FARP1: variants seen among roughly 807,000 people sequenced by gnomAD.
FARP1 encodes FERM, ARHGEF and pleckstrin domain-containing protein 1.
In FARP1, 52 loss-of-function variants were observed where a neutral mutation model predicts 128.8. The observed-to-expected ratio is 0.40, with a 90% CI of 0.32 to 0.51. The LOEUF is 0.51. Ranked by LOEUF, FARP1 falls within the 20% of genes least tolerant of loss-of-function variation. The pLI is 0.45. For missense variants in FARP1, 1,333 were observed against 1,367.9 expected (o/e 0.97, Z 0.40); for synonymous variants, 580 against 551.8 (o/e 1.05, Z -0.72).
chr13:98,176,311 G>T lies in FARP1; in HGVS notation c.-24+32819G>T. 2 of 1,612,874 alleles carry T rather than the reference G, an allele frequency of 1.2e-6. No homozygotes were observed. Among genetic ancestry groups the T allele is most frequent in the Non-Finnish European group, 1.7e-6 (2 of 1,178,998 alleles). On this transcript the variant is annotated intron_variant, in intron 1 of 26. Coordinates refer to ENST00000319562, the MANE Select transcript of FARP1 (RefSeq NM_005766.4). This position sits in a 1 kb window ranked among gnomAD's most constrained non-coding sequence, Gnocchi z 6.2. ...TGCAGCCTGAAGCTTTTGCAGTTTCGCCATCAGTTCTTTGGCGGGGTTAAA... is the reference window on the plus strand; with the variant it reads ...TGCAGCCTGAAGCTTTTGCAGTTTCTCCATCAGTTCTTTGGCGGGGTTAAA...
chr13:98,182,888 A>T (rs140981983), intron 1 of FARP1, among the ~76,000 whole-genome samples: 1 of 152,278 alleles, frequency 6.6e-6, no homozygotes, highest in East Asian at 1.9e-4. Flanking sequence ...TTTCCATTGG[A>T]TGTGCCCATG....
chr13:98,200,932 A>G (rs1214134269), intron 1 of FARP1, among the ~76,000 whole-genome samples: 3 of 152,056 alleles, frequency 2.0e-5, no homozygotes, highest in Admixed American at 2.0e-4. Flanking sequence ...TCATAGTTGT[A>G]TATATTTTTG....
chr13:98,253,740 T>C (rs1354238499), intron 2 of FARP1, among the ~76,000 whole-genome samples: 1 of 152,198 alleles, frequency 6.6e-6, no homozygotes, highest in East Asian at 1.9e-4. Flanking sequence ...GCTCTGCTCT[T>C]GGCCTTTTAT....
chr13:98,445,870 G>A (rs1449737862), intron 24 of FARP1: 28 of 500,318 alleles, frequency 5.6e-5, no homozygotes, highest in Non-Finnish European at 1.0e-4. Flanking sequence ...TCTTTTGGGG[G>A]GACACAGGGA....
intron 2 of FARP1, among the ~76,000 whole-genome samples, chr13:98,313,708 C>T (rs2139757189): frequency 6.6e-6 from 1 of 152,270 alleles, no homozygotes; most frequent in East Asian, 1.9e-4. Context: ...GTCTGCTAGC[C>T]TTTTTAGCAT....
At chr13:98,389,911 A>G in intron 9 of FARP1, 46 bp from the exon 10 acceptor site, 1 of 1,590,572 alleles carries the variant, frequency 6.3e-7, no homozygotes, top group Non-Finnish European at 8.6e-7. Context: ...TCAGTGGTGT[A>G]TCTATGGGTA....
chr13:98,363,437 G>A (rs569563543), intron 3 of FARP1, among the ~76,000 whole-genome samples: 34 of 152,286 alleles, frequency 2.2e-4, no homozygotes, highest in South Asian at 1.7e-3. Context: ...AAGAGACTGC[G>A]GCTTCCAGTG....
At chr13:98,368,049 C>A in intron 4 of FARP1, 68 bp from the exon 5 acceptor site, 2 of 1,278,442 alleles carry the variant, frequency 1.6e-6, no homozygotes, top group Non-Finnish European at 1.1e-6. Context: ...TTTGTAAAGT[C>A]TTTTTCTTTA....
chr13:98,176,083 G>T lies in FARP1; in HGVS notation c.-24+32591G>T. 1 of 1,221,982 alleles carries T rather than the reference G, an allele frequency of 8.2e-7. No homozygotes were observed. The highest frequency in any genetic ancestry group is 1.2e-6 in the Non-Finnish European group (1 of 834,222). 75.7% of individuals were successfully genotyped at this position (1,221,982 alleles called of 1,614,324 possible). A position where few individuals can be genotyped will look rare whatever the true frequency, so the allele number is the denominator to read the frequency against. ...CTTTTGGTTACATACTCAGGCATGGGATTGCAGGAAGACTGTCATCTCTCT... is the reference window on the plus strand; with the variant it reads ...CTTTTGGTTACATACTCAGGCATGGTATTGCAGGAAGACTGTCATCTCTCT... On this transcript the variant is annotated intron_variant, in intron 1 of 26. Coordinates refer to ENST00000319562, the MANE Select transcript of FARP1 (RefSeq NM_005766.4). This position sits in a 1 kb window ranked among gnomAD's most constrained non-coding sequence, Gnocchi z 6.2.
intron 2 of FARP1, among the ~76,000 whole-genome samples, chr13:98,286,550 A>T (rs907980202): frequency 2.3e-4 from 35 of 152,324 alleles, no homozygotes; most frequent in Admixed American, 1.2e-3. Flanking sequence ...CATGTGAGAC[A>T]TACCTTTCAC....
At chr13:98,244,887 T>G in intron 2 of FARP1, 1 of 1,424,450 alleles carries the variant, frequency 7.0e-7, no homozygotes, top group East Asian at 2.6e-5. Flanking sequence ...GAGGGGCCCA[T>G]CCACTCCTAA....
chr13:98,157,575 C>T (rs1306670661), intron 1 of FARP1, among the ~76,000 whole-genome samples: 1 of 152,166 alleles, frequency 6.6e-6, no homozygotes, highest in East Asian at 1.9e-4. Flanking sequence ...TATTTGAGCA[C>T]TAACATTTAC....
chr13:98,265,087 A>G (rs1649828160), intron 2 of FARP1, among the ~76,000 whole-genome samples: 1 of 152,146 alleles, frequency 6.6e-6, no homozygotes, highest in South Asian at 2.1e-4. Flanking sequence ...CCCGGCCCAC[A>G]CTAGTGCTCG....
chr13:98,278,925 A>G (rs898018129), intron 2 of FARP1, among the ~76,000 whole-genome samples: 4 of 151,776 alleles, frequency 2.6e-5, no homozygotes, highest in Admixed American at 2.0e-4. Flanking sequence ...TCCCGGGTTC[A>G]TGCCATTCTC....
chr13:98,204,957 T>C (rs1006820755), intron 1 of FARP1, among the ~76,000 whole-genome samples: 12 of 147,844 alleles, frequency 8.1e-5, no homozygotes, highest in African/African-American at 2.9e-4. Flanking sequence ...AAAAAAAAAA[T>C]AGCAAAACAA....
rs138966295 is a variant in FARP1 at position 98,195,377 on chromosome 13, CTGTT to C, written c.-23-17828_-23-17825del. On this transcript the variant is annotated intron_variant, in intron 1 of 26. Transcript: ENST00000319562. The stretch of plus-strand genomic sequence containing the variant: ...TGGGGAATATATGTATTCCCCCGGG[CTGTT>C]TGTTTGTTTGTTTGGTTGGTTTTTG... Among the ~76,000 whole-genome samples, 807 of 152,232 alleles carry C rather than the reference CTGTT, an allele frequency of 5.3e-3. 8 individuals are homozygous for C. The highest frequency in any genetic ancestry group is 0.017 in the African/African-American group (697 of 41,530).
At chr13:98,427,625 CACT>C (rs1188592789) in intron 17 of FARP1, among the ~76,000 whole-genome samples, 2 of 152,198 alleles carry the variant, frequency 1.3e-5, no homozygotes, top group African/African-American at 4.8e-5. Flanking sequence ...CAACTCCCAC[CACT>C]GCTTTTCCTC....
intron 2 of FARP1, among the ~76,000 whole-genome samples, chr13:98,339,946 G>C (rs1285097211): frequency 6.6e-6 from 1 of 152,008 alleles, no homozygotes; most frequent in African/African-American, 2.4e-5. Flanking sequence ...CCCTCATATT[G>C]TATGCACTCC....
intron 2 of FARP1, among the ~76,000 whole-genome samples, chr13:98,221,845 AT>A (rs1427368350): frequency 1.9e-4 from 29 of 152,212 alleles, no homozygotes; most frequent in Non-Finnish European, 4.1e-4. Flanking sequence ...CTGTGGGTTC[AT>A]TTGAAGGAAG....
Sources: gnomAD v4.1 joint callset for allele counts (sites outside exome capture counted in the v4.1 genomes callset) on GRCh38, gnomAD v4.1.1 for gene constraint, Gnocchi (gnomAD v3.1) non-coding constraint, MANE v1.5 for transcripts, NCBI Gene and HGNC (gene_info 2026-07-23, HGNC 2026-07-21) for gene names.